The following SUCLA2 variants were observed in gnomAD, a reference collection of about 807,000 sequenced individuals.
SUCLA2 encodes succinate--CoA ligase [ADP-forming] subunit beta, mitochondrial.
Under a neutral mutation model 54.8 loss-of-function variants are expected in SUCLA2, and 30 were observed. The observed-to-expected ratio is 0.55, with a 90% CI of 0.41 to 0.74. SUCLA2 has a LOEUF of 0.74. SUCLA2 is among the 30% of genes least tolerant of loss of function. The probability of loss-of-function intolerance (pLI) is 0.00; values close to 1 mark genes in which losing one functional copy is unlikely to be tolerated. For synonymous variants in SUCLA2, 172 were observed against 188.9 expected (o/e 0.91, Z 0.74); for missense variants, 476 against 562.9 (o/e 0.85, Z 1.56).
chr13:47,987,903 T>C (rs1950115840), intron 4 of SUCLA2: 1 of 152,058 alleles, frequency 6.6e-6, no homozygotes, highest in Non-Finnish European at 1.5e-5. Context: ...AATTCTAGTA[T>C]AAAATGATTA....
At chr13:47,944,385 T>C (rs117818080) in intron 10 of SUCLA2, among the ~76,000 whole-genome samples, 34 of 152,300 alleles carry the variant, frequency 2.2e-4, no homozygotes, top group Non-Finnish European at 4.6e-4. Flanking sequence ...AAAAACACTG[T>C]AGTCATAATT....
intron 6 of SUCLA2, among the ~76,000 whole-genome samples, chr13:47,960,510 G>A (rs1177523319): frequency 6.6e-6 from 1 of 152,068 alleles, no homozygotes. Flanking sequence ...ATGTTTAAAT[G>A]TTTATATCCA....
intron 6 of SUCLA2, among the ~76,000 whole-genome samples, chr13:47,966,903 C>G (rs994295501): frequency 6.6e-6 from 1 of 151,908 alleles, no homozygotes; most frequent in Non-Finnish European, 1.5e-5. Flanking sequence ...GCCTGTAGTC[C>G]CAGCTACTCA....
chr13:47,946,147 A>T (rs1271391507), intron 10 of SUCLA2, among the ~76,000 whole-genome samples: 1 of 152,238 alleles, frequency 6.6e-6, no homozygotes, highest in Non-Finnish European at 1.5e-5. Flanking sequence ...GAGAGACCAC[A>T]TTCACATTTA....
chr13:47,972,431 G>A (rs1273592271), intron 5 of SUCLA2, among the ~76,000 whole-genome samples: 5 of 152,012 alleles, frequency 3.3e-5, no homozygotes, highest in African/African-American at 9.7e-5. Flanking sequence ...CACTTTGGGA[G>A]GCCGAGGCGG....
intron 10 of SUCLA2, among the ~76,000 whole-genome samples, chr13:47,946,470 G>A (rs1470895838): frequency 6.6e-6 from 1 of 151,896 alleles, no homozygotes; most frequent in African/African-American, 2.4e-5. Context: ...TTGCCTGTTG[G>A]GGAAGAAGTA....
At chr13:47,949,703 G>T in intron 8 of SUCLA2, 100 bp from the exon 9 acceptor site, 1 of 1,271,774 alleles carries the variant, frequency 7.9e-7, no homozygotes, top group Non-Finnish European at 1.1e-6. Context: ...ACATTAACTT[G>T]ATAGAAAGAT....
In SUCLA2 at chr13:47,949,548, G is replaced by A; in HGVS notation, c.1163C>T (p.Ala388Val). ...TTTTACTGCCATGACTATACCCTGT[G>A]CAATAACATCACAGCGCATGATTCC... is the stretch of plus-strand genomic sequence containing the variant. ...FGGIMRCDVIAQGIVMAVKDL... is the reference protein window; with the variant it reads ...FGGIMRCDVIVQGIVMAVKDL... Residue 388 changes from alanine (A) to valine (V), a missense_variant, in exon 9 of 11, where the codon GCA becomes GTA. By Grantham distance (64) the Ala-to-Val change is moderately conservative. Coordinates refer to ENST00000646932, the MANE Select transcript of SUCLA2 (RefSeq NM_003850.3). 6.2e-7 allele frequency: 1 copy of A among 1,613,450 alleles called. No individual in the cohort carries two copies. The highest frequency in any genetic ancestry group is 8.5e-7 in the Non-Finnish European group (1 of 1,179,584).
At chr13:47,977,988 A>G (rs796310460) in intron 4 of SUCLA2, among the ~76,000 whole-genome samples, 4 of 152,350 alleles carry the variant, frequency 2.6e-5, no homozygotes, top group African/African-American at 9.6e-5. Flanking sequence ...AAAGAGAACT[A>G]TAAACCACTG....
chr13:48,000,367 C>T (rs78984030), intron 1 of SUCLA2, among the ~76,000 whole-genome samples: 1 of 152,192 alleles, frequency 6.6e-6, no homozygotes, highest in Admixed American at 6.5e-5. Flanking sequence ...GGGATTAAAT[C>T]TCAGCTTTGA....
At chr13:47,968,090 C>T (rs1208946936) in intron 6 of SUCLA2, among the ~76,000 whole-genome samples, 2 of 151,954 alleles carry the variant, frequency 1.3e-5, no homozygotes, top group Non-Finnish European at 2.9e-5. Context: ...TCTATATATC[C>T]AGATAGCTAA....
intron 5 of SUCLA2, among the ~76,000 whole-genome samples, chr13:47,969,119 T>C (rs1434549126): frequency 6.6e-6 from 1 of 152,178 alleles, no homozygotes; most frequent in Non-Finnish European, 1.5e-5. Context: ...ACACCTGTAA[T>C]GCCTGCAATT....
intron 1 of SUCLA2, among the ~76,000 whole-genome samples, chr13:48,000,547 C>CA (rs937300198): frequency 2.3e-4 from 35 of 152,286 alleles, no homozygotes; most frequent in African/African-American, 7.9e-4. Flanking sequence ...AAAACAAGGC[C>CA]AGTAACTATT....
intron 5 of SUCLA2, among the ~76,000 whole-genome samples, chr13:47,970,105 C>G (rs896100980): frequency 1.0e-4 from 8 of 76,544 alleles, no homozygotes; most frequent in Non-Finnish European, 2.0e-4. Flanking sequence ...CTGTCTCCCC[C>G]CCACAAAAAA....
At chr13:47,984,411 C>A (rs1950083979) in intron 4 of SUCLA2, among the ~76,000 whole-genome samples, 1 of 151,638 alleles carries the variant, frequency 6.6e-6, no homozygotes, top group Non-Finnish European at 1.5e-5. Flanking sequence ...ACTGTGTTAG[C>A]CAGGATGGTC....
At chr13:47,965,230 G>C (rs1420484264) in intron 6 of SUCLA2, among the ~76,000 whole-genome samples, 1 of 151,714 alleles carries the variant, frequency 6.6e-6, no homozygotes, top group Non-Finnish European at 1.5e-5. Context: ...CAAAACTAAT[G>C]GGTAAAAGTT....
chr13:47,981,932 C>T (rs1271586363), intron 4 of SUCLA2, among the ~76,000 whole-genome samples: 2 of 152,146 alleles, frequency 1.3e-5, no homozygotes, highest in African/African-American at 4.8e-5. Context: ...TTGCAGTGAG[C>T]CGAGACTGCA....
intron 1 of SUCLA2, among the ~76,000 whole-genome samples, chr13:47,998,814 C>T (rs1422890515): frequency 2.6e-5 from 4 of 152,092 alleles, no homozygotes; most frequent in African/African-American, 9.7e-5. Context: ...TTGATGCAGA[C>T]GATGGTTACA....
chr13:47,999,503 C>A (rs1042047474), intron 1 of SUCLA2, among the ~76,000 whole-genome samples: 1 of 151,992 alleles, frequency 6.6e-6, no homozygotes, highest in African/African-American at 2.4e-5. Context: ...GTCAGGAGAT[C>A]GAGACCGTCC....
Sources: allele counts gnomAD v4.1 joint callset (sites outside exome capture counted in the v4.1 genomes callset), GRCh38; gene constraint gnomAD v4.1.1; transcripts MANE v1.5; gene names NCBI Gene and HGNC (gene_info 2026-07-23, HGNC 2026-07-21).